The following FAP variants were observed in gnomAD, a reference collection of about 807,000 sequenced individuals.
The protein encoded by FAP is prolyl endopeptidase FAP.
A neutral mutation model predicts 126.5 loss-of-function variants in FAP; 110 were observed. The observed-to-expected ratio is 0.87, with a 90% CI of 0.74 to 1.02. The LOEUF is 1.02. Ranked by LOEUF, FAP falls within the 50% of genes least tolerant of loss-of-function variation. FAP has a pLI of 0.00. For missense variants in FAP, 919 were observed against 909.2 expected (o/e 1.01, Z -0.14); for synonymous variants, 334 against 297.3 (o/e 1.12, Z -1.27).
At chr2:162,234,304 T>C (rs1690015744) in intron 2 of FAP, among the ~76,000 whole-genome samples, 1 of 152,222 alleles carries the variant, frequency 6.6e-6, no homozygotes, top group African/African-American at 2.4e-5. Flanking sequence ...TTAGGCAGTA[T>C]TGCCATCTTA....
At chr2:162,231,901 G>A (rs181611624) in intron 2 of FAP, among the ~76,000 whole-genome samples, 2 of 152,230 alleles carry the variant, frequency 1.3e-5, no homozygotes, top group Admixed American at 1.3e-4. Flanking sequence ...TCTCACTTTT[G>A]CACTTGATTT....
At chr2:162,194,613 G>A in intron 17 of FAP, 88 bp downstream of exon 17, 1 of 1,167,492 alleles carries the variant, frequency 8.6e-7, no homozygotes, top group Non-Finnish European at 1.3e-6. Context: ...TTGGTGGTGT[G>A]GAGAAACTGT....
chr2:162,199,798 G>A (rs904803304), intron 15 of FAP, among the ~76,000 whole-genome samples: 1 of 152,194 alleles, frequency 6.6e-6, no homozygotes, highest in African/African-American at 2.4e-5. Context: ...CGATCCAGGA[G>A]GGAACAGGGG....
chr2:162,228,330 C>T (rs567041041), intron 2 of FAP, among the ~76,000 whole-genome samples: 1 of 152,174 alleles, frequency 6.6e-6, no homozygotes, highest in South Asian at 2.1e-4. Flanking sequence ...TCCAGCTATA[C>T]CATGCTAGAT....
rs149180611 is a variant in FAP at position 162,213,367 on chromosome 2, G to A, written c.1002+571C>T. Among the ~76,000 whole-genome samples the A allele has an allele frequency of 1.8e-3, 252 of 142,340 alleles. 2 individuals are homozygous for A. The highest frequency in any genetic ancestry group is 6.5e-3 in the African/African-American group (246 of 38,064). 93.4% of individuals were successfully genotyped at this position (142,340 alleles called of 152,430 possible). A position where few individuals can be genotyped will look rare whatever the true frequency, so the allele number is the denominator to read the frequency against. On this transcript the variant is annotated intron_variant, in intron 11 of 25. Coordinates refer to ENST00000188790, the MANE Select transcript of FAP (RefSeq NM_004460.5). ...CTCCAGCCTGGCGACAGAGCGAGAC[G>A]CCATCTCAAAAAAAAAACAAAAAAC...
intron 18 of FAP, 80 bp from the exon 19 acceptor site, chr2:162,189,252 G>T: frequency 1.3e-6 from 1 of 753,838 alleles, no homozygotes; most frequent in Non-Finnish European, 2.1e-6. Flanking sequence ...AACAATATAT[G>T]CAATAAAATC....
intron 2 of FAP, among the ~76,000 whole-genome samples, chr2:162,238,977 G>C (rs972451316): frequency 6.6e-6 from 1 of 152,126 alleles, no homozygotes; most frequent in African/African-American, 2.4e-5. Context: ...TAAAAGGCAA[G>C]ACTCAGCTAA....
At position 162,219,161 on chromosome 2, in the gene FAP, A is replaced by G. The variant is rs754077446; in HGVS notation, c.509T>C (p.Ile170Thr). The change falls in exon 8 of 26, where the codon ATC becomes ACC. Residue 170 changes from isoleucine to threonine, a missense_variant. Transcript: ENST00000188790. The stretch of plus-strand genomic sequence containing the variant: ...ATCTCCTGGTCTTTGTTTCAAATAG[A>G]TATTGTTTTGATAGACATATGCCTA... Reference protein sequence around the residue: ...SKLAYVYQNNIYLKQRPGDPP... With the variant: ...SKLAYVYQNNTYLKQRPGDPP... 3 of 1,607,060 alleles carry G rather than the reference A, an allele frequency of 1.9e-6. No homozygotes were observed. The highest frequency in any genetic ancestry group is 1.3e-5 in the African/African-American group (1 of 74,726).
intron 11 of FAP, among the ~76,000 whole-genome samples, chr2:162,211,506 G>A (rs1386991899): frequency 1.3e-5 from 2 of 152,132 alleles, no homozygotes; most frequent in Admixed American, 1.3e-4. Context: ...GAAAGGAAAA[G>A]AACAGTCAAT....
rs764060143 is a variant in FAP at position 162,226,511 on chromosome 2, T to C, written c.190+12A>G. The C allele has an allele frequency of 1.4e-6, 2 of 1,410,080 alleles. No homozygotes were observed. The highest frequency in any genetic ancestry group is 1.8e-5 in the Admixed American group (1 of 54,418). 87.3% of individuals were successfully genotyped at this position (1,410,080 alleles called of 1,614,324 possible). A position where few individuals can be genotyped will look rare whatever the true frequency, so the allele number is the denominator to read the frequency against. On this transcript the variant is annotated intron_variant, in intron 3 of 25. Transcript: ENST00000188790. Reference sequence around the variant, plus strand: ...CATAAAAAAAACCCCTAAAGATAAATAATGCACTTACCTGAAATCCAGTTT... The same window carrying C: ...CATAAAAAAAACCCCTAAAGATAAACAATGCACTTACCTGAAATCCAGTTT...
At chr2:162,227,201 T>C (rs1489098672) in intron 2 of FAP, among the ~76,000 whole-genome samples, 1 of 152,146 alleles carries the variant, frequency 6.6e-6, no homozygotes, top group African/African-American at 2.4e-5. Flanking sequence ...AATTTTCTCA[T>C]ACTATGGATT....
chr2:162,241,342 A>C (rs1314033484), intron 2 of FAP, among the ~76,000 whole-genome samples: 1 of 152,208 alleles, frequency 6.6e-6, no homozygotes, highest in Non-Finnish European at 1.5e-5. Flanking sequence ...ACATAACTAA[A>C]CTTGGAAAGA....
chr2:162,226,594 C>T lies in FAP; in HGVS notation c.119G>A (p.Arg40Lys). 2 of 1,592,676 alleles carry T rather than the reference C, an allele frequency of 1.3e-6. No homozygotes were observed. The highest frequency in any genetic ancestry group is 2.3e-5 in the East Asian group (1 of 44,416). ...RVHNSEENTM[R>K]ALTLKDILNG... Reference sequence around the variant, plus strand: ...TAAAATATCCTTCAGTGTGAGTGCTCTCATTGTATTTTCTTCAGAGTTATG... The same window carrying T: ...TAAAATATCCTTCAGTGTGAGTGCTTTCATTGTATTTTCTTCAGAGTTATG... The change falls in exon 3 of 26, where the codon AGA becomes AAA. Residue 40 changes from arginine to lysine, a missense_variant. Transcript: ENST00000188790.
intron 25 of FAP, 28 bp downstream of exon 25, chr2:162,172,783 T>C: frequency 6.5e-7 from 1 of 1,527,112 alleles, no homozygotes. Flanking sequence ...TCTAAGGCCA[T>C]GAACATGAGT....
Position 162,200,635 on chromosome 2 carries a change from G to C in FAP, c.1224-16C>G. 3.3e-6 allele frequency: 4 copies of C among 1,202,768 alleles called. No homozygotes were observed. The highest frequency in any genetic ancestry group is 2.3e-5 in the Admixed American group (1 of 43,848). The allele number at this position is 1,202,768 out of a possible 1,614,324, so 74.5% of individuals were successfully genotyped here. A position where few individuals can be genotyped will look rare whatever the true frequency, so the allele number is the denominator to read the frequency against. Reference sequence around the variant, plus strand: ...AGAATAAAACCTGAAAATATATTCAGAAATTATTAAGTATTGATAAATAAG... The same window carrying C: ...AGAATAAAACCTGAAAATATATTCACAAATTATTAAGTATTGATAAATAAG... On this transcript the variant is annotated splice_polypyrimidine_tract_variant and intron_variant, in intron 14 of 25. Coordinates refer to ENST00000188790, the MANE Select transcript of FAP (RefSeq NM_004460.5).
intron 12 of FAP, 174 bp downstream of exon 12, chr2:162,209,778 T>C (rs1040170095): frequency 8.7e-6 from 5 of 573,898 alleles, no homozygotes; most frequent in African/African-American, 5.6e-5. Context: ...AAAAGGACAT[T>C]GAAATTGTCC....
At chr2:162,233,109 A>G (rs1178937810) in intron 2 of FAP, among the ~76,000 whole-genome samples, 2 of 151,688 alleles carry the variant, frequency 1.3e-5, no homozygotes, top group African/African-American at 4.8e-5. Context: ...TTTGAACTCC[A>G]GACACGTACA....
At chr2:162,204,935 G>A (rs929276769) in intron 12 of FAP, among the ~76,000 whole-genome samples, 4 of 152,010 alleles carry the variant, frequency 2.6e-5, no homozygotes, top group South Asian at 2.1e-4. Flanking sequence ...ACCTAACTAC[G>A]AGTCCAGCAA....
At chr2:162,181,182 C>T (rs1032071479) in intron 21 of FAP, among the ~76,000 whole-genome samples, 3 of 151,828 alleles carry the variant, frequency 2.0e-5, no homozygotes, top group Admixed American at 6.6e-5. Context: ...GAGGCTGAGG[C>T]GGGAGAATCG....
Sources: allele counts gnomAD v4.1 joint callset (sites outside exome capture counted in the v4.1 genomes callset), GRCh38; gene constraint gnomAD v4.1.1; transcripts MANE v1.5; gene names NCBI Gene and HGNC (gene_info 2026-07-23, HGNC 2026-07-21).